CHSY3: variants seen among roughly 807,000 people sequenced by gnomAD.
CHSY3 encodes the protein N-acetylgalactosaminyl-proteoglycan 3-beta-glucuronosyltransferase 3.
In CHSY3, 35 loss-of-function variants were observed where a neutral mutation model predicts 67.2. That is an observed-to-expected ratio of 0.52 (90% CI 0.40 to 0.69). The LOEUF (loss-of-function observed/expected upper bound fraction) is 0.69, where lower values mean the gene tolerates loss of function less well. CHSY3 is among the 30% of genes least tolerant of loss of function. The pLI, the probability that CHSY3 is intolerant of heterozygous loss-of-function variation, is 0.00. For synonymous variants in CHSY3, 474 were observed against 434.7 expected (o/e 1.09, Z -1.12); for missense variants, 1,069 against 1,138.5 (o/e 0.94, Z 0.88).
intron 2 of CHSY3, among the ~76,000 whole-genome samples, chr5:129,916,277 T>C (rs756499559): frequency 2.6e-5 from 4 of 152,158 alleles, no homozygotes; most frequent in Non-Finnish European, 4.4e-5. Context: ...TCTATAGTTA[T>C]GCTTTGCTAA....
chr5:130,032,635 AGAG>A (rs1483943083), intron 2 of CHSY3, among the ~76,000 whole-genome samples: 4 of 152,036 alleles, frequency 2.6e-5, no homozygotes, highest in African/African-American at 4.8e-5. Context: ...AGGTTAAGAG[AGAG>A]GAGATTTCAG....
intron 2 of CHSY3, among the ~76,000 whole-genome samples, chr5:129,982,159 AC>A: frequency 6.6e-6 from 1 of 152,154 alleles, no homozygotes; most frequent in Admixed American, 6.5e-5. Flanking sequence ...AACATGTTTG[AC>A]ACTTGCTGTT....
intron 2 of CHSY3, among the ~76,000 whole-genome samples, chr5:130,163,675 A>C (rs73788426): frequency 6.6e-6 from 1 of 152,192 alleles, no homozygotes; most frequent in Non-Finnish European, 1.5e-5. Context: ...AAATGAAAAA[A>C]TTGTTATTAC....
At chr5:129,965,825 T>G (rs745622235) in intron 2 of CHSY3, among the ~76,000 whole-genome samples, 5 of 151,962 alleles carry the variant, frequency 3.3e-5, no homozygotes, top group Non-Finnish European at 4.4e-5. Context: ...AGAATACTGG[T>G]TGATCAGCTA....
chr5:129,908,898 G>A (rs32233), intron 2 of CHSY3, among the ~76,000 whole-genome samples: 73,757 of 151,866 alleles, frequency 0.49, 18,576 homozygotes, highest in Middle Eastern at 0.6. Context: ...TATGGTAGAT[G>A]TATTCACAAA....
At chr5:129,932,424 A>G (rs373771925) in intron 2 of CHSY3, among the ~76,000 whole-genome samples, 1 of 152,132 alleles carries the variant, frequency 6.6e-6, no homozygotes, top group Admixed American at 6.6e-5. Context: ...GAGTCCACTG[A>G]TTTAAATGTT....
intron 2 of CHSY3, among the ~76,000 whole-genome samples, chr5:129,988,292 A>T (rs1580618212): frequency 6.6e-6 from 1 of 152,200 alleles, no homozygotes; most frequent in African/African-American, 2.4e-5. Context: ...AGTATGCAGG[A>T]TGAAAATATT....
At chr5:130,112,853 C>T (rs1267345723) in intron 2 of CHSY3, among the ~76,000 whole-genome samples, 2 of 152,070 alleles carry the variant, frequency 1.3e-5, no homozygotes, top group Admixed American at 6.6e-5. Context: ...TTGACCACAA[C>T]CCAACTCATT....
At chr5:129,915,151 G>T (rs1252014908) in intron 2 of CHSY3, among the ~76,000 whole-genome samples, 1 of 152,066 alleles carries the variant, frequency 6.6e-6, no homozygotes, top group Admixed American at 6.5e-5. Flanking sequence ...ATTATAGCAT[G>T]TTATTTTTGC....
intron 2 of CHSY3, among the ~76,000 whole-genome samples, chr5:130,146,881 C>G (rs1459756053): frequency 2.0e-5 from 3 of 152,148 alleles, no homozygotes; most frequent in African/African-American, 7.2e-5. Context: ...GCAACCTCCA[C>G]CTCCTGGGTG....
intron 2 of CHSY3, among the ~76,000 whole-genome samples, chr5:129,911,917 G>T (rs1760568369): frequency 1.3e-5 from 2 of 152,030 alleles, no homozygotes; most frequent in Non-Finnish European, 2.9e-5. Context: ...TTAGCCAGGC[G>T]TGGTGGCGGG....
At chr5:130,068,977 A>G (rs1765972232) in intron 2 of CHSY3, among the ~76,000 whole-genome samples, 1 of 152,114 alleles carries the variant, frequency 6.6e-6, no homozygotes, top group South Asian at 2.1e-4. Context: ...TGGGTGGAGT[A>G]CTCAAAATAT....
intron 2 of CHSY3, among the ~76,000 whole-genome samples, chr5:129,949,974 G>A (rs1377667481): frequency 6.6e-6 from 1 of 151,996 alleles, no homozygotes; most frequent in Non-Finnish European, 1.5e-5. Flanking sequence ...GACCATCCTG[G>A]CCAACATGGT....
intron 2 of CHSY3, among the ~76,000 whole-genome samples, chr5:130,028,931 C>T (rs955898894): frequency 1.3e-5 from 2 of 151,862 alleles, no homozygotes; most frequent in East Asian, 3.9e-4. Context: ...CCTACTGATT[C>T]CTCACCACCT....
chr5:129,957,926 A>G (rs978202295), intron 2 of CHSY3, among the ~76,000 whole-genome samples: 4 of 151,928 alleles, frequency 2.6e-5, no homozygotes, highest in East Asian at 3.9e-4. Context: ...ATAAATCCCA[A>G]TTGGCCATAT....
chr5:129,998,830 C>G (rs1174299099), intron 2 of CHSY3, among the ~76,000 whole-genome samples: 2 of 151,788 alleles, frequency 1.3e-5, no homozygotes, highest in African/African-American at 4.8e-5. Context: ...CTCTTTGTGC[C>G]ATATGTTGCA....
intron 2 of CHSY3, among the ~76,000 whole-genome samples, chr5:129,991,857 A>G (rs915449441): frequency 6.6e-6 from 1 of 152,112 alleles, no homozygotes; most frequent in Admixed American, 6.6e-5. Context: ...ACGACAATTA[A>G]TGACGTCCCC....
chr5:130,140,638 G>A (rs1768832750), intron 2 of CHSY3: 1 of 391,342 alleles, frequency 2.6e-6, no homozygotes, highest in African/African-American at 2.1e-5. Context: ...CTTTTGATGT[G>A]TCAACCCTCA....
At chr5:130,039,143 G>A (rs966031059) in intron 2 of CHSY3, among the ~76,000 whole-genome samples, 1 of 152,048 alleles carries the variant, frequency 6.6e-6, no homozygotes, top group Non-Finnish European at 1.5e-5. Flanking sequence ...TTCATTGTGT[G>A]GCAGATTCCC....
Sources: gnomAD v4.1 joint callset for allele counts (sites outside exome capture counted in the v4.1 genomes callset) on GRCh38, gnomAD v4.1.1 for gene constraint, MANE v1.5 for transcripts, NCBI Gene and HGNC (gene_info 2026-07-23, HGNC 2026-07-21) for gene names.